TRIP4: variants seen among roughly 807,000 people sequenced by gnomAD.
TRIP4 encodes activating signal cointegrator 1.
TRIP4 carries 54 observed loss-of-function variants against 81.8 expected under a neutral mutation model. That is an observed-to-expected ratio of 0.66 (90% CI 0.53 to 0.83). TRIP4 has a LOEUF of 0.83. TRIP4 is among the 40% of genes least tolerant of loss of function. The pLI is 0.00. For synonymous variants in TRIP4, 270 were observed against 242.8 expected (o/e 1.11, Z -1.04); for missense variants, 662 against 683.6 (o/e 0.97, Z 0.35).
At chr15:64,413,071 G>T (rs544693139) in intron 7 of TRIP4, among the ~76,000 whole-genome samples, 1 of 152,076 alleles carries the variant, frequency 6.6e-6, no homozygotes, top group African/African-American at 2.4e-5. Context: ...AGCAAAGATA[G>T]AATGCAGACT....
intron 10 of TRIP4, among the ~76,000 whole-genome samples, chr15:64,425,061 G>C (rs1892110543): frequency 6.6e-6 from 1 of 152,184 alleles, no homozygotes; most frequent in Non-Finnish European, 1.5e-5. Flanking sequence ...ATAGGTGTGA[G>C]CTACTGAGCC....
intron 5 of TRIP4, among the ~76,000 whole-genome samples, chr15:64,403,850 T>C (rs1891565824): frequency 6.6e-6 from 1 of 152,222 alleles, no homozygotes; most frequent in Non-Finnish European, 1.5e-5. Flanking sequence ...TGTCAAATAA[T>C]GTGTCTTTTT....
intron 11 of TRIP4, among the ~76,000 whole-genome samples, chr15:64,431,847 A>ATATATATATATATATATATTTTTTTT: frequency 8.4e-6 from 1 of 119,558 alleles, no homozygotes; most frequent in African/African-American, 3.3e-5. Context: ...ATATATATAT[A>ATATATATATATATATATATTTTTTTT]TTTTTTTTAT....
intron 3 of TRIP4, 120 bp from the exon 4 acceptor site, chr15:64,397,486 T>G (rs1174457563): frequency 1.0e-4 from 97 of 957,952 alleles, no homozygotes; most frequent in East Asian, 5.3e-5. Flanking sequence ...TTTCACTGCC[T>G]TCTTTCTTGG....
intron 1 of TRIP4, among the ~76,000 whole-genome samples, chr15:64,391,010 G>A (rs909998765): frequency 6.6e-6 from 1 of 152,162 alleles, no homozygotes; most frequent in African/African-American, 2.4e-5. Context: ...TCCACAACAG[G>A]CTATTATGCC....
chr15:64,427,318 C>T (rs183346637), intron 11 of TRIP4, among the ~76,000 whole-genome samples: 1 of 152,290 alleles, frequency 6.6e-6, no homozygotes, highest in Non-Finnish European at 1.5e-5. Context: ...CCTTTCATTA[C>T]TGTTATTACT....
chr15:64,387,860 G>T lies in TRIP4; in HGVS notation c.-4G>T. 6.5e-7 allele frequency: 1 copy of T among 1,544,648 alleles called. No individual in the cohort carries two copies. The highest frequency in any genetic ancestry group is 1.4e-5 in the African/African-American group (1 of 73,150). On this transcript the variant is annotated 5_prime_UTR_variant, in exon 1 of 13. Transcript: ENST00000261884. ...TGCAGCTCAGCTGGTTCCGGCTGGG[G>T]AAGATGGCGGTGGCTGGGGCGGTGT...
At chr15:64,412,436 TG>T (rs1655247947) in intron 7 of TRIP4, among the ~76,000 whole-genome samples, 1 of 152,148 alleles carries the variant, frequency 6.6e-6, no homozygotes, top group South Asian at 2.1e-4. Context: ...ACATGTTGGA[TG>T]ATGGAATAAT....
intron 11 of TRIP4, among the ~76,000 whole-genome samples, chr15:64,428,856 C>G (rs2140303329): frequency 6.6e-6 from 1 of 151,990 alleles, no homozygotes; most frequent in Middle Eastern, 3.4e-3. Flanking sequence ...AGGTGATACA[C>G]CCGCATTGAC....
intron 1 of TRIP4, 155 bp from the exon 2 acceptor site, chr15:64,393,791 C>T (rs569323200): frequency 1.2e-5 from 7 of 570,850 alleles, no homozygotes; most frequent in Non-Finnish European, 1.6e-5. Context: ...CAGTTAGGAT[C>T]GTATCGTATT....
chr15:64,417,921 G>A (rs925420622), intron 8 of TRIP4, among the ~76,000 whole-genome samples: 6 of 152,160 alleles, frequency 3.9e-5, no homozygotes, highest in African/African-American at 1.2e-4. Context: ...GTATAAATTG[G>A]AAATAATTAT....
intron 11 of TRIP4, among the ~76,000 whole-genome samples, chr15:64,443,424 A>G (rs761316286): frequency 2.6e-5 from 4 of 152,174 alleles, no homozygotes; most frequent in African/African-American, 7.2e-5. Context: ...GGAAGGAAAA[A>G]CAGGAAAATT....
intron 11 of TRIP4, among the ~76,000 whole-genome samples, chr15:64,427,617 C>T (rs1399593419): frequency 6.6e-6 from 1 of 152,152 alleles, no homozygotes; most frequent in Non-Finnish European, 1.5e-5. Context: ...CTCAAGTGAT[C>T]CACCTGCCTC....
At chr15:64,409,953 T>C in intron 7 of TRIP4, 125 bp downstream of exon 7, 1 of 845,496 alleles carries the variant, frequency 1.2e-6, no homozygotes, top group Non-Finnish European at 1.8e-6. Context: ...ACAGAAAACA[T>C]GTTAAGAATA....
intron 12 of TRIP4, 26 bp from the exon 13 acceptor site, chr15:64,454,971 A>G (rs1295613293): frequency 6.2e-7 from 1 of 1,607,338 alleles, no homozygotes; most frequent in East Asian, 2.2e-5. Context: ...AAAATAAATA[A>G]TGAGACTTAT....
At chr15:64,452,115 CAT>C (rs1030429325) in intron 12 of TRIP4, among the ~76,000 whole-genome samples, 35 of 152,202 alleles carry the variant, frequency 2.3e-4, no homozygotes, top group African/African-American at 8.2e-4. Flanking sequence ...CTTGCACCAC[CAT>C]ACCCAGCAAA....
intron 5 of TRIP4, among the ~76,000 whole-genome samples, chr15:64,402,911 G>C (rs181801542): frequency 1.3e-5 from 2 of 152,182 alleles, no homozygotes; most frequent in Non-Finnish European, 2.9e-5. Context: ...CCAGGCTGGA[G>C]TGTGGTGGCG....
intron 12 of TRIP4, among the ~76,000 whole-genome samples, chr15:64,452,847 C>A (rs182165949): frequency 2.0e-5 from 3 of 152,198 alleles, no homozygotes; most frequent in African/African-American, 7.2e-5. Context: ...GACTAGGTAA[C>A]ATACTCAAGG....
intron 5 of TRIP4, among the ~76,000 whole-genome samples, chr15:64,403,054 G>T (rs1168352584): frequency 2.0e-5 from 3 of 151,842 alleles, no homozygotes; most frequent in Non-Finnish European, 2.9e-5. Context: ...AGTATAGACG[G>T]TGTTTCACTG....
Sources: gnomAD v4.1 joint callset for allele counts (sites outside exome capture counted in the v4.1 genomes callset) on GRCh38, gnomAD v4.1.1 for gene constraint, MANE v1.5 for transcripts, NCBI Gene and HGNC (gene_info 2026-07-23, HGNC 2026-07-21) for gene names.